The following MTF2 variants were observed in gnomAD, a reference collection of about 807,000 sequenced individuals.
MTF2 encodes metal response element binding transcription factor 2, also known as metal-response element-binding transcription factor 2.
MTF2 carries 11 observed loss-of-function variants against 79.5 expected under a neutral mutation model. The ratio of observed to expected loss-of-function variants is 0.14; its 90% CI spans 0.09 to 0.23. The LOEUF (loss-of-function observed/expected upper bound fraction) is 0.23. Among genes scored for constraint, MTF2 ranks in the 10% least tolerant of loss-of-function variants. The pLI is 1.00. For synonymous variants in MTF2, 208 were observed against 232.8 expected, an observed-to-expected ratio of 0.89 and a Z score of 0.97; for missense variants, 486 against 711.2, an observed-to-expected ratio of 0.68 and a Z score of 3.60.
chr1:93,118,361 C>A lies in MTF2; in HGVS notation c.649C>A (p.Leu217Ile). Residue 217 changes from leucine to isoleucine, a missense_variant, in exon 7 of 15, where the codon CTA becomes ATA. Leu to Ile is a conservative substitution (Grantham distance 5, BLOSUM62 2). This residue lies in a region of MTF2 where 177 missense variants were observed against 364.0 expected (regional missense o/e 0.49). Coordinates refer to ENST00000370298, the MANE Select transcript of MTF2 (RefSeq NM_007358.4). ...TTTTAATAGCTGGTATTTGAAGATG[C>A]TACAGTGCTGCAAATGTAAGCAGTG... ...GGPGDWYLKM[L>I]QCCKCKQWFH... is the part of the protein sequence containing the mutation. The A allele has an allele frequency of 3.8e-6, 6 of 1,584,822 alleles. No homozygotes were observed. The highest frequency in any genetic ancestry group is 5.1e-6 in the Non-Finnish European group (6 of 1,166,094).
intron 9 of MTF2, 68 bp from the exon 10 acceptor site, chr1:93,127,164 A>T: frequency 9.2e-7 from 1 of 1,086,704 alleles, no homozygotes; most frequent in Non-Finnish European, 1.4e-6. Context: ...CATTGCCTCT[A>T]TCTAGCACCT....
In MTF2 at chr1:93,119,329, T is replaced by G. The variant is rs750011773; in HGVS notation, c.729-4T>G. On this transcript the variant is annotated splice_region_variant and splice_polypyrimidine_tract_variant and intron_variant, in intron 7 of 14. Transcript: ENST00000370298. ...AAACTTTTTCTTTTTTTTTTTTTTC[T>G]TAGATTTTATACGTTTATATGCTCT... The G allele has an allele frequency of 1.3e-6, 2 of 1,561,018 alleles. No homozygotes were observed. Among genetic ancestry groups the G allele is most frequent in the Non-Finnish European group, 1.7e-6 (2 of 1,154,664 alleles).
At chr1:93,111,663 G>A (rs758775562) in intron 3 of MTF2, among the ~76,000 whole-genome samples, 15 of 152,038 alleles carry the variant, frequency 9.9e-5, no homozygotes, top group Non-Finnish European at 1.8e-4. Flanking sequence ...AACTTTTTAT[G>A]GTTCCTGGAC....
chr1:93,086,763 ATC>A (rs1654855339), intron 1 of MTF2, among the ~76,000 whole-genome samples: 1 of 152,100 alleles, frequency 6.6e-6, no homozygotes, highest in Non-Finnish European at 1.5e-5. Flanking sequence ...TTTTGTATTT[ATC>A]TATGTGATAA....
chr1:93,086,308 A>T (rs1412242452), intron 1 of MTF2, among the ~76,000 whole-genome samples: 1 of 152,090 alleles, frequency 6.6e-6, no homozygotes, highest in Non-Finnish European at 1.5e-5. Flanking sequence ...GTTTGAGACC[A>T]GCTGGGCCAA....
At chr1:93,126,596 C>A (rs1175678134) in intron 9 of MTF2, among the ~76,000 whole-genome samples, 1 of 151,652 alleles carries the variant, frequency 6.6e-6, no homozygotes, top group Non-Finnish European at 1.5e-5. Flanking sequence ...TGAGAAAAAG[C>A]CCTATTGGAA....
At chr1:93,079,986 G>C (rs536068540) in intron 1 of MTF2, among the ~76,000 whole-genome samples, 26 of 152,040 alleles carry the variant, frequency 1.7e-4, no homozygotes, top group Non-Finnish European at 3.2e-4. Context: ...AAGGGAAGTA[G>C]CAGCTTGGAA....
chr1:93,105,750 A>G (rs1360935215), intron 1 of MTF2, among the ~76,000 whole-genome samples: 1 of 151,612 alleles, frequency 6.6e-6, no homozygotes, highest in African/African-American at 2.4e-5. Flanking sequence ...GTCTCGGCTC[A>G]CTGCAACCTC....
intron 3 of MTF2, among the ~76,000 whole-genome samples, chr1:93,111,912 C>T (rs1003260390): frequency 2.0e-5 from 3 of 152,070 alleles, no homozygotes; most frequent in Non-Finnish European, 4.4e-5. Context: ...CTATGTGTTT[C>T]TTTCAGCTTT....
intron 1 of MTF2, among the ~76,000 whole-genome samples, chr1:93,104,005 C>T (rs182469033): frequency 1.3e-5 from 2 of 151,898 alleles, no homozygotes; most frequent in African/African-American, 4.8e-5. Context: ...GTGGTGAAGT[C>T]ATGGCTCACT....
Position 93,120,981 on chromosome 1 carries a change from TCTTA to T in MTF2, c.921+313_921+316del, listed in dbSNP as rs1656453257. The T allele has an allele frequency of 3.7e-6, 4 of 1,067,212 alleles. No individual in the cohort carries two copies. In the South Asian group the frequency reaches 1.1e-4, roughly 30 times the overall value. The allele number at this position is 1,067,212 out of a possible 1,614,324, so 66.1% of individuals were successfully genotyped here. A position where few individuals can be genotyped will look rare whatever the true frequency, so the allele number is the denominator to read the frequency against. On this transcript the variant is annotated intron_variant, in intron 9 of 14. Transcript: ENST00000370298. ...AGGGAGAAATCTTTAGTATTGGGTA[TCTTA>T]CTTGTAGTTCAACCTCCTTTTCTTC...
chr1:93,133,622 A>T, intron 11 of MTF2, 81 bp from the exon 12 acceptor site: 3 of 705,800 alleles, frequency 4.3e-6, no homozygotes, highest in Non-Finnish European at 4.4e-6. Flanking sequence ...ATATATGTAT[A>T]TGTGTCTAGT....
intron 9 of MTF2, among the ~76,000 whole-genome samples, chr1:93,125,735 T>C (rs1278271621): frequency 6.6e-6 from 1 of 152,014 alleles, no homozygotes; most frequent in Non-Finnish European, 1.5e-5. Flanking sequence ...AAGACAGAGT[T>C]AGTCAGAAGC....
At chr1:93,086,965 C>A (rs1654865690) in intron 1 of MTF2, among the ~76,000 whole-genome samples, 1 of 152,134 alleles carries the variant, frequency 6.6e-6, no homozygotes, top group Non-Finnish European at 1.5e-5. Context: ...CAAGTTTAAA[C>A]ACAAAATTCA....
At chr1:93,095,801 G>A (rs1233760789) in intron 1 of MTF2, among the ~76,000 whole-genome samples, 2 of 151,736 alleles carry the variant, frequency 1.3e-5, no homozygotes, top group African/African-American at 4.8e-5. Flanking sequence ...GACTACAGGT[G>A]CATGCCACCA....
chr1:93,084,302 A>G (rs1654743735), intron 1 of MTF2, among the ~76,000 whole-genome samples: 1 of 152,192 alleles, frequency 6.6e-6, no homozygotes, highest in South Asian at 2.1e-4. Context: ...TTAACCATAC[A>G]TGTAAAAGTT....
chr1:93,137,961 A>G lies in MTF2; in HGVS notation c.*934A>G, dbSNP rs893482196. The G allele has an allele frequency of 6.6e-6, 1 of 152,212 alleles. No homozygotes were observed. Among genetic ancestry groups the G allele is most frequent in the East Asian group, 1.9e-4 (1 of 5,200 alleles). The allele number at this position is 152,212 out of a possible 1,614,324, so 9.4% of individuals were successfully genotyped here. On this transcript the variant is annotated 3_prime_UTR_variant, in exon 15 of 15. Coordinates refer to ENST00000370298, the MANE Select transcript of MTF2 (RefSeq NM_007358.4). ...ATCTCCTACTAGAAGTAACGTTTTC[A>G]AGTTTTCATGGCACATTATGATTGT... is the stretch of plus-strand genomic sequence containing the variant.
chr1:93,087,746 A>G (rs762128080), intron 1 of MTF2, among the ~76,000 whole-genome samples: 1 of 152,212 alleles, frequency 6.6e-6, no homozygotes, highest in Non-Finnish European at 1.5e-5. Context: ...GGTGACAAAT[A>G]TCTAGAATAA....
At chr1:93,091,889 A>G (rs976722509) in intron 1 of MTF2, among the ~76,000 whole-genome samples, 1 of 152,198 alleles carries the variant, frequency 6.6e-6, no homozygotes, top group Admixed American at 6.5e-5. Context: ...CTGTTGTCTC[A>G]TGTCAGAGAA....
Sources: gnomAD v4.1 joint callset for allele counts (sites outside exome capture counted in the v4.1 genomes callset) on GRCh38, gnomAD v4.1.1 for gene constraint, gnomAD v4.1.1 regional missense constraint, MANE v1.5 for transcripts, NCBI Gene and HGNC (gene_info 2026-07-23, HGNC 2026-07-21) for gene names.